The following TPO variants were observed in gnomAD, a reference collection of about 807,000 sequenced individuals.
The protein encoded by TPO is thyroid peroxidase, also known as thyroid microsomal antigen.
TPO carries 78 observed loss-of-function variants against 96.9 expected under a neutral mutation model. The ratio of observed to expected loss-of-function variants is 0.81; its 90% CI spans 0.67 to 0.97. TPO has a LOEUF of 0.97. Among genes scored for constraint, TPO ranks in the 50% least tolerant of loss-of-function variants. TPO has a pLI of 0.00. For missense variants in TPO, 1,252 were observed against 1,274.8 expected, an observed-to-expected ratio of 0.98 and a Z score of 0.27; for synonymous variants, 547 against 538.0, an observed-to-expected ratio of 1.02 and a Z score of -0.23.
intron 2 of TPO, 99 bp from the exon 3 acceptor site, chr2:1,422,946 G>T: frequency 7.5e-7 from 1 of 1,328,766 alleles, no homozygotes. Context: ...AGCCACGTGG[G>T]CATCACCGCA....
At chr2:1,397,794 G>A (rs1186807679) in intron 1 of TPO, among the ~76,000 whole-genome samples, 1 of 152,116 alleles carries the variant, frequency 6.6e-6, no homozygotes, top group Non-Finnish European at 1.5e-5. Flanking sequence ...CATCAGAGGT[G>A]TGTGTTTTCC....
At chr2:1,487,727 A>C in intron 9 of TPO, 94 bp from the exon 10 acceptor site, 7 of 1,508,548 alleles carry the variant, frequency 4.6e-6, no homozygotes, top group African/African-American at 1.4e-5. Context: ...AGAAAGAATG[A>C]GACTCCGTCT....
intron 10 of TPO, among the ~76,000 whole-genome samples, chr2:1,488,690 C>T (rs370406447): frequency 5.3e-5 from 8 of 152,326 alleles, no homozygotes; most frequent in South Asian, 4.1e-4. Flanking sequence ...GTTCTCTCCA[C>T]GTACCCTGGG....
chr2:1,512,785 C>CT (rs1376336365), intron 14 of TPO, among the ~76,000 whole-genome samples: 1 of 152,198 alleles, frequency 6.6e-6, no homozygotes, highest in Non-Finnish European at 1.5e-5. Context: ...AAGGAAGGGA[C>CT]TGAGGGAGGG....
At chr2:1,413,135 T>C (rs1662531858), upstream of TPO, among the ~76,000 whole-genome samples, 1 of 152,152 alleles carries the variant, frequency 6.6e-6, no homozygotes, top group African/African-American at 2.4e-5. Flanking sequence ...TAACAGCCCC[T>C]TTTTCACAGG....
intron 7 of TPO, among the ~76,000 whole-genome samples, chr2:1,462,509 TGTAG>T (rs1157927672): frequency 7.2e-6 from 1 of 139,768 alleles, no homozygotes; most frequent in Non-Finnish European, 1.5e-5. Context: ...AATACGTGTG[TGTAG>T]GTAAACACAC....
At chr2:1,435,119 G>A (rs1340712792) in intron 4 of TPO, among the ~76,000 whole-genome samples, 2 of 152,156 alleles carry the variant, frequency 1.3e-5, no homozygotes, top group East Asian at 3.8e-4. Context: ...ATTTTTAGTA[G>A]AGACGGGGTT....
At chr2:1,536,640 A>G (rs1193884603) in intron 15 of TPO, among the ~76,000 whole-genome samples, 1 of 5,218 alleles carries the variant, frequency 1.9e-4, no homozygotes, top group Non-Finnish European at 3.9e-4. Context: ...ACCTCCCCAA[A>G]TCCCCCCCCC....
rs1317179165 is a variant in TPO at position 1,470,530 on chromosome 2, A to AAT, written c.820-6546_820-6545dup. Among the ~76,000 whole-genome samples, 21 of 148,902 alleles carry AAT rather than the reference A, an allele frequency of 1.4e-4. No individual in the cohort carries two copies. In the South Asian group the frequency reaches 1.9e-3, roughly 13 times the overall value. ...GTCTTCCTTATCTGGTATATATAAT[A>AAT]ATATATATATAAATATATTTTTCTA... On this transcript the variant is annotated intron_variant, in intron 7 of 16. Transcript: ENST00000329066.
intron 5 of TPO, among the ~76,000 whole-genome samples, chr2:1,452,452 T>C (rs758630510): frequency 5.9e-4 from 90 of 152,340 alleles, no homozygotes; most frequent in Non-Finnish European, 1.1e-3. Context: ...CTCAAAAGTA[T>C]TCCACTTTGG....
At chr2:1,536,822 C>CA (rs1299111034) in intron 15 of TPO, among the ~76,000 whole-genome samples, 1 of 65,174 alleles carries the variant, frequency 1.5e-5, no homozygotes, top group Non-Finnish European at 3.7e-5. Flanking sequence ...AAATCCCCCC[C>CA]ACTGTGTGCA....
chr2:1,494,026 C>T lies in TPO; in HGVS notation c.1993C>T (p.Arg665Trp), dbSNP rs776742629. 1.7e-5 allele frequency: 28 copies of T among 1,613,956 alleles called. No individual in the cohort carries two copies. Among genetic ancestry groups the T allele is most frequent in the East Asian group, 2.2e-5 (1 of 44,874 alleles). Residue 665 changes from arginine to tryptophan, a missense_variant, in exon 11 of 17, where the codon CGG becomes TGG. Transcript: ENST00000329066. ...CLIGKQMKAL[R>W]DGDWFWWENS... Reference sequence around the variant, plus strand: ...CATTGGGAAGCAGATGAAGGCTCTGCGGGACGGTGACTGGTACGTTCCTAT... The same window carrying T: ...CATTGGGAAGCAGATGAAGGCTCTGTGGGACGGTGACTGGTACGTTCCTAT...
chr2:1,472,864 A>G (rs1186395039), intron 7 of TPO, among the ~76,000 whole-genome samples: 1 of 140,508 alleles, frequency 7.1e-6, no homozygotes, highest in African/African-American at 2.6e-5. Flanking sequence ...AGAGAGAGAG[A>G]TATTTCGTTG....
chr2:1,513,756 TAAC>T, intron 14 of TPO, among the ~76,000 whole-genome samples: 1 of 152,336 alleles, frequency 6.6e-6, no homozygotes, highest in Non-Finnish European at 1.5e-5. Flanking sequence ...TAGATATAGA[TAAC>T]AAATATGTAG....
intron 13 of TPO, among the ~76,000 whole-genome samples, chr2:1,500,928 C>T (rs1477806875): frequency 1.3e-5 from 2 of 149,450 alleles, no homozygotes; most frequent in Non-Finnish European, 3.0e-5. Context: ...GCCGAGATTG[C>T]ACCACTGCAC....
intron 14 of TPO, chr2:1,513,447 G>T (rs1360639858): frequency 6.6e-6 from 1 of 152,268 alleles, no homozygotes; most frequent in Non-Finnish European, 1.5e-5. Context: ...TCCTCACAGT[G>T]ACTCACAGAC....
chr2:1,433,912 C>T (rs966807993), intron 4 of TPO, among the ~76,000 whole-genome samples: 1 of 152,112 alleles, frequency 6.6e-6, no homozygotes, highest in Non-Finnish European at 1.5e-5. Flanking sequence ...TTTCCCATAG[C>T]CCCCCTCTTA....
chr2:1,392,990 GCTTTA>G (rs1439279509), intron 1 of TPO, among the ~76,000 whole-genome samples: 2 of 152,060 alleles, frequency 1.3e-5, no homozygotes, highest in Admixed American at 6.5e-5. Context: ...GTCATCACTG[GCTTTA>G]CTTTAAGGCA....
intron 15 of TPO, among the ~76,000 whole-genome samples, chr2:1,535,996 C>A (rs1679556650): frequency 3.3e-5 from 1 of 30,762 alleles, no homozygotes; most frequent in African/African-American, 1.3e-4. Flanking sequence ...CAAATCCCCC[C>A]CACTCTGCGC....
Sources: allele counts gnomAD v4.1 joint callset (sites outside exome capture counted in the v4.1 genomes callset), GRCh38; gene constraint gnomAD v4.1.1; transcripts MANE v1.5; gene names NCBI Gene and HGNC (gene_info 2026-07-23, HGNC 2026-07-21).